The following SLC12A8 variants were observed in gnomAD, a reference collection of about 807,000 sequenced individuals.
SLC12A8 encodes cation-chloride cotransporter 9.
A neutral mutation model predicts 75.6 loss-of-function variants in SLC12A8; 69 were observed. That is an observed-to-expected ratio of 0.91 (90% confidence interval 0.75 to 1.11). The LOEUF (loss-of-function observed/expected upper bound fraction) is 1.11, where lower values mean the gene tolerates loss of function less well. Ranked by LOEUF, SLC12A8 falls within the 50% of genes most tolerant of loss-of-function variation. The pLI is 0.00. For synonymous variants in SLC12A8, 365 were observed against 372.8 expected (o/e 0.98, Z 0.24); for missense variants, 877 against 896.7 (o/e 0.98, Z 0.28).
At position 125,107,754 on chromosome 3, in the gene SLC12A8, T is replaced by G; in HGVS notation, c.1432A>C (p.Arg478=). The change falls in exon 10 of 14, where the codon AGG becomes CGG. Residue 478 remains arginine (R), a synonymous_variant. Transcript: ENST00000469902. ...GGGGTCCTGTTACCCTCTCCTTGCC[T>G]GGGCTGGCTACTCTCAAGCTTCCTG... The part of the protein sequence containing the change: ...LTRKLESSQP[R]QGEGNRTPES... 8 of 1,614,184 alleles carry G rather than the reference T, an allele frequency of 5.0e-6. No individual in the cohort carries two copies. Among genetic ancestry groups the G allele is most frequent in the South Asian group, 1.1e-5 (1 of 91,078 alleles).
intron 5 of SLC12A8, among the ~76,000 whole-genome samples, chr3:125,172,486 C>G (rs943032427): frequency 1.3e-5 from 2 of 152,126 alleles, no homozygotes; most frequent in African/African-American, 2.4e-5. Context: ...GTGAGATCCT[C>G]CAGCCCCAAT....
Position 125,169,865 on chromosome 3 carries a change from C to T in SLC12A8, c.622+7878G>A, listed in dbSNP as rs72965900. On this transcript the variant is annotated intron_variant, in intron 5 of 13. Coordinates refer to ENST00000469902, the MANE Select transcript of SLC12A8 (RefSeq NM_024628.6). ...CAGCTCTGTGGTGCCTCATTACCAACAATGGATGGACAGCGACTACCAGAC... is the reference window on the plus strand; with the variant it reads ...CAGCTCTGTGGTGCCTCATTACCAATAATGGATGGACAGCGACTACCAGAC... Among the ~76,000 whole-genome samples, 456 of 152,210 alleles carry T rather than the reference C, an allele frequency of 3.0e-3. 2 individuals carry two copies. The highest frequency in any genetic ancestry group is 0.011 in the African/African-American group (444 of 41,510).
intron 2 of SLC12A8, among the ~76,000 whole-genome samples, chr3:125,198,979 C>CGT (rs1560084317): frequency 6.6e-6 from 1 of 151,896 alleles, no homozygotes; most frequent in Non-Finnish European, 1.5e-5. Context: ...GGGGTTTCAC[C>CGT]GTGTTAGCCA....
chr3:125,100,381 T>G (rs1328924421), intron 10 of SLC12A8, among the ~76,000 whole-genome samples: 1 of 152,026 alleles, frequency 6.6e-6, no homozygotes, highest in Non-Finnish European at 1.5e-5. Context: ...TTTTTATAGC[T>G]TAATAGATAT....
At chr3:125,093,060 C>T (rs1000407616) in intron 10 of SLC12A8, among the ~76,000 whole-genome samples, 2 of 152,056 alleles carry the variant, frequency 1.3e-5, no homozygotes, top group Non-Finnish European at 2.9e-5. Context: ...TTATTTAGCT[C>T]CCACTTATAA....
intron 8 of SLC12A8, among the ~76,000 whole-genome samples, chr3:125,113,332 TA>T (rs1401155419): frequency 3.3e-5 from 5 of 152,212 alleles, no homozygotes; most frequent in Non-Finnish European, 5.9e-5. Flanking sequence ...TAAAAAAATA[TA>T]AAACTATTAT....
chr3:125,152,214 G>T (rs545063815), intron 5 of SLC12A8, among the ~76,000 whole-genome samples: 1 of 152,264 alleles, frequency 6.6e-6, no homozygotes, highest in South Asian at 2.1e-4. Context: ...GAAATTTGAG[G>T]GAAAAGAAAT....
At chr3:125,212,408 C>T (rs923019685) in intron 1 of SLC12A8, among the ~76,000 whole-genome samples, 1 of 151,962 alleles carries the variant, frequency 6.6e-6, no homozygotes, top group African/African-American at 2.4e-5. Flanking sequence ...CGCAGGCCGC[C>T]CCGCAGGCCT....
chr3:125,210,724 C>T (rs2107808090), intron 2 of SLC12A8, among the ~76,000 whole-genome samples: 1 of 152,256 alleles, frequency 6.6e-6, no homozygotes, highest in South Asian at 2.1e-4. Context: ...CCTGGGTGCA[C>T]ATAGTTTCTG....
chr3:125,110,713 C>A (rs1939165718), intron 8 of SLC12A8: 1 of 168,332 alleles, frequency 5.9e-6, no homozygotes. Context: ...ACTGGCCAAC[C>A]ACAATGCTCA....
In SLC12A8 at chr3:125,167,755, T is replaced by C. The variant is rs1026555943; in HGVS notation, c.622+9988A>G. ...CTTCATCCAAGAGCAAGAACTTAGG[T>C]CTAATACGGCATGGTGAAGAGAATT... On this transcript the variant is annotated intron_variant, in intron 5 of 13. Coordinates refer to ENST00000469902, the MANE Select transcript of SLC12A8 (RefSeq NM_024628.6). 4.6e-5 allele frequency among the ~76,000 whole-genome samples: 7 copies of C among 152,318 alleles called. No homozygotes were observed. The South Asian group carries it at 1.0e-3, about 23-fold the overall frequency.
chr3:125,197,582 C>A (rs1463733184), intron 2 of SLC12A8, among the ~76,000 whole-genome samples: 1 of 152,094 alleles, frequency 6.6e-6, no homozygotes, highest in Non-Finnish European at 1.5e-5. Flanking sequence ...GTGAGCCACC[C>A]CACCTGGCCA....
intron 5 of SLC12A8, among the ~76,000 whole-genome samples, chr3:125,155,510 G>A (rs192357694): frequency 4.6e-4 from 70 of 151,950 alleles, no homozygotes; most frequent in East Asian, 1.9e-4. Context: ...GGTGGCTCAC[G>A]CCTGTAATCC....
At chr3:125,185,372 AG>A (rs1300014386) in intron 4 of SLC12A8, among the ~76,000 whole-genome samples, 1 of 151,906 alleles carries the variant, frequency 6.6e-6, no homozygotes, top group Non-Finnish European at 1.5e-5. Flanking sequence ...AAAAAAAAAA[AG>A]AAATGGACAA....
rs376355202 is a variant in SLC12A8 at position 125,171,211 on chromosome 3, A to G, written c.622+6532T>C. ...TTCTTTGACACTTCTCCATTGAAAG[A>G]TATCATCTCACACCAGTTAGAATGG... is the stretch of plus-strand genomic sequence containing the variant. On this transcript the variant is annotated intron_variant, in intron 5 of 13. Coordinates refer to ENST00000469902, the MANE Select transcript of SLC12A8 (RefSeq NM_024628.6). Among the ~76,000 whole-genome samples, 2 of 2,492 alleles carry G rather than the reference A, an allele frequency of 8.0e-4. 1 individual carries two copies. The highest frequency in any genetic ancestry group is 9.6e-3 in the Non-Finnish European group (2 of 208). The allele number at this position is 2,492 out of a possible 152,430, so 1.6% of individuals were successfully genotyped here.
intron 8 of SLC12A8, among the ~76,000 whole-genome samples, chr3:125,113,730 C>CA (rs1388450948): frequency 6.6e-6 from 1 of 152,184 alleles, no homozygotes; most frequent in East Asian, 1.9e-4. Context: ...GCCATCCCCC[C>CA]ACCCCCAGAG....
intron 8 of SLC12A8, among the ~76,000 whole-genome samples, chr3:125,115,467 G>C (rs1195276497): frequency 1.3e-5 from 2 of 151,964 alleles, no homozygotes; most frequent in African/African-American, 4.8e-5. Context: ...AGGTTGCAGT[G>C]AGCTGAGATC....
chr3:125,200,978 C>T (rs995685836), intron 2 of SLC12A8, among the ~76,000 whole-genome samples: 15 of 152,142 alleles, frequency 9.9e-5, no homozygotes, highest in Admixed American at 2.6e-4. Context: ...TGTGATTTAC[C>T]GGATATCTGC....
intron 5 of SLC12A8, among the ~76,000 whole-genome samples, chr3:125,157,580 C>G (rs947787810): frequency 6.6e-6 from 1 of 152,196 alleles, no homozygotes; most frequent in Non-Finnish European, 1.5e-5. Flanking sequence ...GTCCCCAAAC[C>G]CTGTCCCAGC....
Sources: gnomAD v4.1 joint callset for allele counts (sites outside exome capture counted in the v4.1 genomes callset) on GRCh38, gnomAD v4.1.1 for gene constraint, MANE v1.5 for transcripts, NCBI Gene and HGNC (gene_info 2026-07-23, HGNC 2026-07-21) for gene names.